Variants in KCNIP4 observed in about 807,000 individuals in gnomAD.
KCNIP4 encodes Kv channel-interacting protein 4.
A neutral mutation model predicts 34.0 loss-of-function variants in KCNIP4; 12 were observed. The observed-to-expected ratio is 0.35, with a 90% CI of 0.23 to 0.57. The LOEUF (loss-of-function observed/expected upper bound fraction) is 0.57. Ranked by LOEUF, KCNIP4 falls within the 20% of genes least tolerant of loss-of-function variation. KCNIP4 has a pLI of 0.83. For missense variants in KCNIP4, 238 were observed against 311.7 expected, an observed-to-expected ratio of 0.76 and a Z score of 1.78; for synonymous variants, 124 against 102.2, an observed-to-expected ratio of 1.21 and a Z score of -1.29.
intron 1 of KCNIP4, among the ~76,000 whole-genome samples, chr4:21,201,594 G>A (rs553242339): frequency 5.1e-4 from 78 of 152,284 alleles, no homozygotes; most frequent in African/African-American, 1.6e-3. Context: ...CGCCTCCCAG[G>A]TTCACGCCAT....
At chr4:21,773,131 G>T (rs751418952) in intron 1 of KCNIP4, among the ~76,000 whole-genome samples, 32 of 152,074 alleles carry the variant, frequency 2.1e-4, no homozygotes, top group Non-Finnish European at 3.4e-4. Flanking sequence ...GTTCTCATTG[G>T]TTTGAAAGAA....
Position 21,233,963 on chromosome 4 carries a change from ATATAT to A in KCNIP4, c.62-351259_62-351255del, listed in dbSNP as rs1200307481. On this transcript the variant is annotated intron_variant, in intron 1 of 8. Coordinates refer to ENST00000382152, the MANE Select transcript of KCNIP4 (RefSeq NM_025221.6). ...AAATATTACATATAACATATATAAC[ATATAT>A]TATATAACATATATAACATATAACA... is the stretch of plus-strand genomic sequence containing the variant. Among the ~76,000 whole-genome samples, 5 of 138,128 alleles carry A rather than the reference ATATAT, an allele frequency of 3.6e-5. 1 individual carries two copies. In the South Asian group the frequency reaches 6.5e-4, roughly 18 times the overall value. 90.6% of individuals were successfully genotyped at this position (138,128 alleles called of 152,430 possible).
At chr4:21,694,424 CAAAT>C (rs1266840820) in intron 1 of KCNIP4, among the ~76,000 whole-genome samples, 2 of 151,932 alleles carry the variant, frequency 1.3e-5, no homozygotes, top group Non-Finnish European at 2.9e-5. Context: ...CTATACATAA[CAAAT>C]AAACTTTTAA....
intron 1 of KCNIP4, among the ~76,000 whole-genome samples, chr4:21,091,826 G>A (rs981272871): frequency 6.6e-6 from 1 of 152,080 alleles, no homozygotes; most frequent in African/African-American, 2.4e-5. Flanking sequence ...CCACCCTCAA[G>A]ACCTGATTAC....
At chr4:20,893,118 T>C (rs934179580) in intron 1 of KCNIP4, among the ~76,000 whole-genome samples, 1 of 152,222 alleles carries the variant, frequency 6.6e-6, no homozygotes, top group African/African-American at 2.4e-5. Flanking sequence ...GTTCATGCAA[T>C]ATTAGCAACC....
At chr4:21,226,381 A>G (rs1232609756) in intron 1 of KCNIP4, among the ~76,000 whole-genome samples, 1 of 151,498 alleles carries the variant, frequency 6.6e-6, no homozygotes, top group East Asian at 1.9e-4. Context: ...GAAGGAAGGA[A>G]GGAAATAATT....
chr4:21,851,065 C>G (rs913329535), intron 1 of KCNIP4: 2 of 152,106 alleles, frequency 1.3e-5, no homozygotes, highest in African/African-American at 4.8e-5. Context: ...AGGAGTAACA[C>G]TCAAGTTTCT....
intron 1 of KCNIP4, among the ~76,000 whole-genome samples, chr4:21,727,300 TC>T (rs1249630722): frequency 2.0e-5 from 3 of 152,062 alleles, no homozygotes. Context: ...TAATCTTCAT[TC>T]TTTCCACCAT....
intron 1 of KCNIP4, among the ~76,000 whole-genome samples, chr4:21,232,192 C>T (rs1758840636): frequency 1.3e-5 from 2 of 152,008 alleles, no homozygotes; most frequent in African/African-American, 2.4e-5. Flanking sequence ...AATTCCTTAA[C>T]AAAGGCTTTA....
intron 1 of KCNIP4, among the ~76,000 whole-genome samples, chr4:21,512,978 C>G (rs938458271): frequency 3.3e-5 from 5 of 152,174 alleles, no homozygotes; most frequent in African/African-American, 1.2e-4. Flanking sequence ...TGAGATAACA[C>G]ACTAGGAAGT....
chr4:21,856,824 G>T (rs566969716), intron 1 of KCNIP4, among the ~76,000 whole-genome samples: 3 of 152,298 alleles, frequency 2.0e-5, no homozygotes, highest in East Asian at 3.9e-4. Flanking sequence ...TCAGAGCAAA[G>T]TGGAGGCTGA....
chr4:21,528,764 AAAG>A lies in KCNIP4; in HGVS notation c.61+419804_61+419806del, dbSNP rs1560490095. Among the ~76,000 whole-genome samples, 11 of 9,624 alleles carry A rather than the reference AAAG, an allele frequency of 1.1e-3. 1 individual carries two copies. The highest frequency in any genetic ancestry group is 4.4e-3 in the African/African-American group (10 of 2,262). 6.3% of individuals were successfully genotyped at this position (9,624 alleles called of 152,430 possible). ...GAAAGAAAGAAAGAAAGAAAGAAAG[AAAG>A]AAAGAAAGAAAGGAAGAAAGGAAGA... On this transcript the variant is annotated intron_variant, in intron 1 of 8. Coordinates refer to ENST00000382152, the MANE Select transcript of KCNIP4 (RefSeq NM_025221.6).
chr4:21,274,718 AG>A (rs1762337301), intron 1 of KCNIP4, among the ~76,000 whole-genome samples: 1 of 152,164 alleles, frequency 6.6e-6, no homozygotes, highest in African/African-American at 2.4e-5. Flanking sequence ...AGAACTCAAG[AG>A]CCCAAAACAT....
chr4:21,372,319 AGAGAGTTC>A (rs1720520169), intron 1 of KCNIP4, among the ~76,000 whole-genome samples: 1 of 146,488 alleles, frequency 6.8e-6, no homozygotes, highest in Admixed American at 6.6e-5. Flanking sequence ...CAAACTGGAT[AGAGAGTTC>A]TTTTTTCAAG....
intron 1 of KCNIP4, among the ~76,000 whole-genome samples, chr4:21,251,270 A>T (rs1760677001): frequency 6.6e-6 from 1 of 152,216 alleles, no homozygotes; most frequent in Non-Finnish European, 1.5e-5. Context: ...TAGGAAAATT[A>T]TACAGGAGAG....
intron 1 of KCNIP4, among the ~76,000 whole-genome samples, chr4:21,369,921 G>A (rs758381738): frequency 5.5e-5 from 8 of 145,150 alleles, no homozygotes; most frequent in Non-Finnish European, 1.0e-4. Context: ...TCTGCCTCCC[G>A]GGTTCACACC....
At chr4:21,274,023 G>T (rs1010953375) in intron 1 of KCNIP4, among the ~76,000 whole-genome samples, 1 of 152,196 alleles carries the variant, frequency 6.6e-6, no homozygotes, top group Non-Finnish European at 1.5e-5. Flanking sequence ...ATGGATAAAA[G>T]AATGATTAGA....
intron 1 of KCNIP4, among the ~76,000 whole-genome samples, chr4:21,250,263 G>A (rs1021421769): frequency 1.3e-5 from 2 of 149,366 alleles, no homozygotes; most frequent in African/African-American, 4.9e-5. Context: ...CAAAATTGCT[G>A]ATAACCATAA....
intron 1 of KCNIP4, among the ~76,000 whole-genome samples, chr4:21,190,341 T>C (rs1755534730): frequency 6.6e-6 from 1 of 152,080 alleles, no homozygotes; most frequent in Non-Finnish European, 1.5e-5. Context: ...TTGGTATTGG[T>C]TAGTATTCAT....
Sources: allele counts gnomAD v4.1 joint callset (sites outside exome capture counted in the v4.1 genomes callset), GRCh38; gene constraint gnomAD v4.1.1; transcripts MANE v1.5; gene names NCBI Gene and HGNC (gene_info 2026-07-23, HGNC 2026-07-21).